The following OLFM1 variants were observed in gnomAD, a reference collection of about 807,000 sequenced individuals.
OLFM1 encodes olfactomedin 1.
Under a neutral mutation model 49.7 loss-of-function variants are expected in OLFM1, and 9 were observed. That is an observed-to-expected ratio of 0.18 (90% confidence interval 0.11 to 0.32). OLFM1 has a LOEUF of 0.32. Ranked by LOEUF, OLFM1 falls within the 10% of genes least tolerant of loss-of-function variation. The probability of loss-of-function intolerance (pLI) is 1.00; values close to 1 mark genes in which losing one functional copy is unlikely to be tolerated. For missense variants in OLFM1, 369 were observed against 661.8 expected (o/e 0.56, Z 4.85); for synonymous variants, 240 against 271.8 (o/e 0.88, Z 1.15).
chr9:135,119,181 T>A (rs960360658), intron 5 of OLFM1, among the ~76,000 whole-genome samples: 5 of 148,878 alleles, frequency 3.4e-5, no homozygotes, highest in African/African-American at 1.2e-4. Context: ...ACTTACCGGG[T>A]CTTTGGAGTA....
At chr9:135,110,912 C>T (rs1015024729) in intron 5 of OLFM1, among the ~76,000 whole-genome samples, 2 of 152,250 alleles carry the variant, frequency 1.3e-5, no homozygotes, top group African/African-American at 4.8e-5. Context: ...AGTCCCTACG[C>T]CAAGACCCCT....
rs753937352 is a variant in OLFM1, at chr9:135,120,172, G to A, written c.1452G>A (p.Glu484=). 8 of 1,605,978 alleles carry A rather than the reference G, an allele frequency of 5.0e-6. No homozygotes were observed. Among genetic ancestry groups the A allele is most frequent in the Non-Finnish European group, 6.8e-6 (8 of 1,175,520 alleles). ...VTLFHVIRSD[E]L ...TCTTCCACGTCATCCGCTCCGACGA[G>A]TTGTAGCTCCCTCCTCCTGGAAGCC... is the stretch of plus-strand genomic sequence containing the variant. The change falls in exon 6 of 6, where the codon GAG becomes GAA. Residue 484 remains glutamate (E), a synonymous_variant. Coordinates refer to ENST00000371793, the MANE Select transcript of OLFM1 (RefSeq NM_001282611.2).
At chr9:135,118,466 T>TACTGGGTCTTTGGAGTGCTC (rs1831129249) in intron 5 of OLFM1, among the ~76,000 whole-genome samples, 2 of 107,268 alleles carry the variant, frequency 1.9e-5, no homozygotes, top group Non-Finnish European at 3.7e-5. Context: ...TTAGAGTGCT[T>TACTGGGTCTTTGGAGTGCTC]ACTGGGTCTT....
chr9:135,116,009 G>A (rs559465604), intron 5 of OLFM1, among the ~76,000 whole-genome samples: 4 of 152,284 alleles, frequency 2.6e-5, no homozygotes, highest in Admixed American at 2.0e-4. Context: ...GCCCGGAGGC[G>A]CAAGTGCTCA....
intron 4 of OLFM1, among the ~76,000 whole-genome samples, chr9:135,102,273 G>A (rs1431870999): frequency 6.6e-6 from 1 of 152,188 alleles, no homozygotes; most frequent in Non-Finnish European, 1.5e-5. Context: ...GTGAGAAAGG[G>A]TCAGCCAGGC....
chr9:135,105,515 C>A (rs1830929633), intron 4 of OLFM1: 1 of 152,276 alleles, frequency 6.6e-6, no homozygotes, highest in Admixed American at 6.5e-5. Context: ...GTGGGAGGCA[C>A]CCTGAGACCC....
At chr9:135,087,469 G>A, upstream of OLFM1, 1 of 1,527,662 alleles carries the variant, frequency 6.5e-7, no homozygotes, top group Non-Finnish European at 8.8e-7. Context: ...GGGTGGTGGT[G>A]TGTCCGTCTC....
intron 1 of OLFM1, among the ~76,000 whole-genome samples, chr9:135,077,664 G>A (rs922868211): frequency 2.6e-5 from 4 of 152,178 alleles, no homozygotes; most frequent in Admixed American, 6.5e-5. Flanking sequence ...TTCTTTGCTG[G>A]CCTGGCATGT....
intron 3 of OLFM1, among the ~76,000 whole-genome samples, chr9:135,096,381 TTCCCTTCATGCTC>T (rs1830799191): frequency 6.6e-6 from 1 of 151,728 alleles, no homozygotes; most frequent in African/African-American, 2.4e-5. Flanking sequence ...TGGGTGTGCT[TTCCCTTCATGCTC>T]TCCCTTTCCC....
chr9:135,088,227 G>A lies in OLFM1; in HGVS notation c.150+88G>A. The A allele has an allele frequency of 5.2e-6, 6 of 1,163,246 alleles. No individual in the cohort carries two copies. Among genetic ancestry groups the A allele is most frequent in the Non-Finnish European group, 6.5e-6 (6 of 930,102 alleles). The allele number at this position is 1,163,246 out of a possible 1,614,324, so 72.1% of individuals were successfully genotyped here. A position where few individuals can be genotyped will look rare whatever the true frequency, so the allele number is the denominator to read the frequency against. On this transcript the variant is annotated intron_variant, in intron 1 of 5. Transcript: ENST00000371793. This position sits in a 1 kb window ranked among gnomAD's most constrained non-coding sequence, Gnocchi z 4.8. ...GTCCGGAGCCCCGGGCTGGGCGGGC[G>A]CCGCGCGGGACCCGAGTCGCCCAGG...
intron 2 of OLFM1, among the ~76,000 whole-genome samples, chr9:135,091,897 T>TCACG (rs1830720575): frequency 6.8e-6 from 1 of 147,114 alleles, no homozygotes; most frequent in Non-Finnish European, 1.5e-5. Flanking sequence ...TCACACATAG[T>TCACG]CACACACACA....
chr9:135,078,577 C>G (rs1830496258), intron 1 of OLFM1, among the ~76,000 whole-genome samples: 1 of 152,208 alleles, frequency 6.6e-6, no homozygotes, highest in East Asian at 1.9e-4. Flanking sequence ...TTCACATGGT[C>G]TTGCTCTGTG....
chr9:135,077,187 G>C, intron 1 of OLFM1: 1 of 1,538,296 alleles, frequency 6.5e-7, no homozygotes, highest in Non-Finnish European at 8.8e-7. Context: ...CAGGGGAGCA[G>C]ATACCTGCAG....
intron 1 of OLFM1, chr9:135,077,017 C>T: frequency 6.4e-7 from 1 of 1,550,530 alleles, no homozygotes; most frequent in Non-Finnish European, 8.7e-7. Flanking sequence ...TCTCCTGGTG[C>T]TGCCCAGACG....
chr9:135,076,602 C>T (rs1258227254), intron 1 of OLFM1: 11 of 1,070,242 alleles, frequency 1.0e-5, no homozygotes, highest in East Asian at 2.6e-5. Context: ...CTATGGTGCT[C>T]GGAAGAGCCT....
At position 135,117,542 on chromosome 9, in the gene OLFM1, C is replaced by T. The variant is rs1831112231; in HGVS notation, c.784-1962C>T. On this transcript the variant is annotated intron_variant, in intron 5 of 5. Coordinates refer to ENST00000371793, the MANE Select transcript of OLFM1 (RefSeq NM_001282611.2). This position sits in a 1 kb window ranked among gnomAD's most constrained non-coding sequence, Gnocchi z 5.5. ...CGATCCTCACTGCAGACAACAGCTG[C>T]CTGGGGCTGTGAGCATTTGCCCTCG... 6.6e-6 allele frequency among the ~76,000 whole-genome samples: 1 copy of T among 152,246 alleles called. No individual in the cohort carries two copies. The highest frequency in any genetic ancestry group is 2.4e-5 in the African/African-American group (1 of 41,468).
intron 2 of OLFM1, among the ~76,000 whole-genome samples, chr9:135,094,377 A>G (rs1263100002): frequency 6.6e-6 from 1 of 152,228 alleles, no homozygotes. Flanking sequence ...AACTCAGTCC[A>G]TCAGAGAAGC....
intron 1 of OLFM1, among the ~76,000 whole-genome samples, chr9:135,081,076 G>A (rs552669297): frequency 6.6e-6 from 1 of 152,228 alleles, no homozygotes; most frequent in African/African-American, 2.4e-5. Context: ...GACTGATACC[G>A]CATGTCACGA....
upstream of OLFM1, among the ~76,000 whole-genome samples, chr9:135,084,849 T>C (rs1830578095): frequency 6.6e-6 from 1 of 152,182 alleles, no homozygotes; most frequent in Non-Finnish European, 1.5e-5. This position sits in a 1 kb window ranked among gnomAD's most constrained non-coding sequence, Gnocchi z 4.6. Context: ...CTCACTGTTC[T>C]GACTGTGGGT....
Sources: allele counts gnomAD v4.1 joint callset (sites outside exome capture counted in the v4.1 genomes callset), GRCh38; gene constraint gnomAD v4.1.1; non-coding constraint Gnocchi (gnomAD v3.1); transcripts MANE v1.5; gene names NCBI Gene and HGNC (gene_info 2026-07-23, HGNC 2026-07-21).